PTPN1: variants seen among roughly 807,000 people sequenced by gnomAD.
PTPN1 encodes protein tyrosine phosphatase non-receptor type 1, also known as tyrosine-protein phosphatase non-receptor type 1.
PTPN1 carries 12 observed loss-of-function variants against 59.9 expected under a neutral mutation model. The ratio of observed to expected loss-of-function variants is 0.20; its 90% confidence interval spans 0.13 to 0.32. The LOEUF (loss-of-function observed/expected upper bound fraction) is 0.32. Ranked by LOEUF, PTPN1 falls within the 10% of genes least tolerant of loss-of-function variation. PTPN1 has a pLI of 1.00. For missense variants in PTPN1, 356 were observed against 549.2 expected (o/e 0.65, Z 3.52); for synonymous variants, 178 against 203.6 (o/e 0.87, Z 1.07).
At chr20:50,576,685 G>T (rs1003893541) in intron 5 of PTPN1, among the ~76,000 whole-genome samples, 1 of 151,676 alleles carries the variant, frequency 6.6e-6, no homozygotes, top group African/African-American at 2.4e-5. Context: ...TGGCCAAGAT[G>T]GTGAAACCCC....
chr20:50,553,021 C>G (rs892410052), intron 1 of PTPN1, among the ~76,000 whole-genome samples: 2 of 152,132 alleles, frequency 1.3e-5, no homozygotes, highest in Non-Finnish European at 2.9e-5. Context: ...CAATTTAGTA[C>G]TTATCAGCTG....
Position 50,574,497 on chromosome 20 carries a change from A to G in PTPN1, c.355-20A>G. On this transcript the variant is annotated intron_variant, in intron 4 of 9. Transcript: ENST00000371621. ...ACTGCCATATTGCTCACAATAATTC[A>G]CTATTATTTGTTTCCCCAGTTAAAA... The G allele has an allele frequency of 6.3e-7, 1 of 1,575,458 alleles. No homozygotes were observed. The highest frequency in any genetic ancestry group is 8.6e-7 in the Non-Finnish European group (1 of 1,166,350).
rs541409296 is a variant in PTPN1 at position 50,533,411 on chromosome 20, C to T, written c.63+22821C>T. ...TCCAACTTGTCTTGGGAGCTCTCAT[C>T]TCTGGGAGACATCACATTACCCACT... On this transcript the variant is annotated intron_variant, in intron 1 of 9. Coordinates refer to ENST00000371621, the MANE Select transcript of PTPN1 (RefSeq NM_002827.4). Among the ~76,000 whole-genome samples, 7 of 152,222 alleles carry T rather than the reference C, an allele frequency of 4.6e-5. No individual in the cohort carries two copies. In the South Asian group the frequency reaches 1.5e-3, roughly 32 times the overall value.
At chr20:50,515,261 C>G (rs1232771169) in intron 1 of PTPN1, among the ~76,000 whole-genome samples, 1 of 152,164 alleles carries the variant, frequency 6.6e-6, no homozygotes, top group African/African-American at 2.4e-5. Context: ...CTCATCCTCG[C>G]CCTTCATTCC....
At position 50,520,450 on chromosome 20, in the gene PTPN1, T is replaced by C. The variant is rs980933919; in HGVS notation, c.63+9860T>C. On this transcript the variant is annotated intron_variant, in intron 1 of 9. Transcript: ENST00000371621. ...CCAGCAAGTAAATTATATTCTTTCA[T>C]ACAGGTATGAAATTCTTGTTCCAAG... is the stretch of plus-strand genomic sequence containing the variant. Among the ~76,000 whole-genome samples the C allele has an allele frequency of 6.6e-5, 10 of 152,144 alleles. No homozygotes were observed. The East Asian group carries it at 1.3e-3, about 20-fold the overall frequency.
At chr20:50,561,007 C>G (rs2082749744) in intron 1 of PTPN1, among the ~76,000 whole-genome samples, 1 of 152,184 alleles carries the variant, frequency 6.6e-6, no homozygotes. Flanking sequence ...ATCTGGGCTA[C>G]CCACCCATGT....
At chr20:50,548,491 T>G (rs1364891622) in intron 1 of PTPN1, among the ~76,000 whole-genome samples, 1 of 151,946 alleles carries the variant, frequency 6.6e-6, no homozygotes, top group Non-Finnish European at 1.5e-5. Context: ...AGTGACATAG[T>G]CATAGCTCAC....
At chr20:50,510,968 A>C (rs2082504527) in intron 1 of PTPN1, among the ~76,000 whole-genome samples, 1 of 150,874 alleles carries the variant, frequency 6.6e-6, no homozygotes, top group Non-Finnish European at 1.5e-5. Context: ...TCTGGAGTGG[A>C]CCACCTCAGA....
chr20:50,556,455 G>T (rs1379916686), intron 1 of PTPN1, among the ~76,000 whole-genome samples: 2 of 152,038 alleles, frequency 1.3e-5, no homozygotes, highest in Non-Finnish European at 2.9e-5. Flanking sequence ...CTCCCAAAGT[G>T]CTGGGATTAC....
chr20:50,559,544 A>G (rs1010386927), intron 1 of PTPN1, among the ~76,000 whole-genome samples: 15 of 152,128 alleles, frequency 9.9e-5, no homozygotes, highest in Admixed American at 9.2e-4. Flanking sequence ...TGTTTTTATC[A>G]TTATGAAGAG....
chr20:50,549,697 A>G (rs920886556), intron 1 of PTPN1, among the ~76,000 whole-genome samples: 1 of 152,110 alleles, frequency 6.6e-6, no homozygotes, highest in Admixed American at 6.6e-5. Context: ...TAAAATTTAA[A>G]CCAAAACAGA....
intron 1 of PTPN1, among the ~76,000 whole-genome samples, chr20:50,529,038 G>A (rs2082589696): frequency 6.6e-6 from 1 of 152,208 alleles, no homozygotes; most frequent in Admixed American, 6.5e-5. Flanking sequence ...TGCCTTGCAT[G>A]GAATTGGACT....
Position 50,570,798 on chromosome 20 carries a change from C to T in PTPN1, c.354+2320C>T, listed in dbSNP as rs75708873. Among the ~76,000 whole-genome samples, 6 of 152,322 alleles carry T rather than the reference C, an allele frequency of 3.9e-5. No individual in the cohort carries two copies. The East Asian group carries it at 1.2e-3, about 29-fold the overall frequency. On this transcript the variant is annotated intron_variant, in intron 4 of 9. Coordinates refer to ENST00000371621, the MANE Select transcript of PTPN1 (RefSeq NM_002827.4). ...ATCTCTGGCCTCTATCCACCAGATG[C>T]CAGTAGCACCCCCTCCCCAGATGTG...
chr20:50,525,871 C>T (rs577938397), intron 1 of PTPN1, among the ~76,000 whole-genome samples: 2 of 152,134 alleles, frequency 1.3e-5, no homozygotes, highest in South Asian at 4.2e-4. Flanking sequence ...TCATAAGCTC[C>T]TTGACAGAAT....
rs140479865 is a variant in PTPN1 at position 50,526,919 on chromosome 20, A to G, written c.63+16329A>G. ...GCTGCTGGAAAAAAAATCCCCCAGTATTGAGCCCCTAGAAATCCAGTCTTT... is the reference window on the plus strand; with the variant it reads ...GCTGCTGGAAAAAAAATCCCCCAGTGTTGAGCCCCTAGAAATCCAGTCTTT... On this transcript the variant is annotated intron_variant, in intron 1 of 9. Coordinates refer to ENST00000371621, the MANE Select transcript of PTPN1 (RefSeq NM_002827.4). 6.6e-5 allele frequency among the ~76,000 whole-genome samples: 10 copies of G among 152,102 alleles called. No individual in the cohort carries two copies. The East Asian group carries it at 1.9e-3, about 29-fold the overall frequency.
At position 50,510,478 on chromosome 20, in the gene PTPN1, A is replaced by G. The variant is rs1453239708; in HGVS notation, c.-50A>G. On this transcript the variant is annotated 5_prime_UTR_variant, in exon 1 of 10. Transcript: ENST00000371621. ...AGAGCGCGACGCGGCCTAGAGCGGC[A>G]GACGGCGCAGTGGGCCGAGAAGGAG... The G allele has an allele frequency of 6.5e-6, 10 of 1,542,380 alleles. No homozygotes were observed. Among genetic ancestry groups the G allele is most frequent in the African/African-American group, 1.4e-5 (1 of 72,504 alleles).
In PTPN1 at chr20:50,579,744, A is replaced by C. The variant is rs2122804705; in HGVS notation, c.906A>C (p.Pro302=). 6.2e-7 allele frequency: 1 copy of C among 1,611,674 alleles called. No homozygotes were observed. The highest frequency in any genetic ancestry group is 8.5e-7 in the Non-Finnish European group (1 of 1,178,942). ...KELSHEDLEP[P]PEHIPPPPRP... ...TTTCCCACGAGGACCTGGAGCCCCC[A>C]CCCGAGCATATCCCCCCACCTCCCC... Residue 302 remains proline (P), a synonymous_variant, in exon 8 of 10, where the codon CCA becomes CCC. Transcript: ENST00000371621.
chr20:50,564,522 A>G (rs2082769656), intron 2 of PTPN1, among the ~76,000 whole-genome samples: 1 of 152,150 alleles, frequency 6.6e-6, no homozygotes. Flanking sequence ...TGAATCCGGG[A>G]GATGGAGGCT....
Position 50,575,223 on chromosome 20 carries a change from C to A in PTPN1, c.492+569C>A, listed in dbSNP as rs140577158. ...TGCTCCTGGGGCTTTGGAATAATTCCCCTGGATCCGTAACTTGGGGGTGTT... is the reference window on the plus strand; with the variant it reads ...TGCTCCTGGGGCTTTGGAATAATTCACCTGGATCCGTAACTTGGGGGTGTT... On this transcript the variant is annotated intron_variant, in intron 5 of 9. Coordinates refer to ENST00000371621, the MANE Select transcript of PTPN1 (RefSeq NM_002827.4). Among the ~76,000 whole-genome samples the A allele has an allele frequency of 5.6e-3, 848 of 152,298 alleles. 8 individuals are homozygous for A. The highest frequency in any genetic ancestry group is 0.019 in the African/African-American group (803 of 41,552).
Sources: allele counts gnomAD v4.1 joint callset (sites outside exome capture counted in the v4.1 genomes callset), GRCh38; gene constraint gnomAD v4.1.1; transcripts MANE v1.5; gene names NCBI Gene and HGNC (gene_info 2026-07-23, HGNC 2026-07-21).